The following COQ8B variants were observed in gnomAD, a reference collection of about 807,000 sequenced individuals.
COQ8B encodes the protein atypical kinase COQ8B, mitochondrial.
COQ8B carries 44 observed loss-of-function variants against 62.0 expected under a neutral mutation model. The ratio of observed to expected loss-of-function variants is 0.71; its 90% CI spans 0.56 to 0.91. The LOEUF is 0.91. Among genes scored for constraint, COQ8B ranks in the 40% least tolerant of loss-of-function variants. The pLI is 0.00. For missense variants in COQ8B, 649 were observed against 731.6 expected (o/e 0.89, Z 1.30); for synonymous variants, 252 against 289.9 (o/e 0.87, Z 1.33).
intron 13 of COQ8B, 26 bp downstream of exon 13, chr19:40,695,963 G>A: frequency 6.2e-7 from 1 of 1,612,750 alleles, no homozygotes; most frequent in Non-Finnish European, 8.5e-7. Context: ...GCCTTTCAGA[G>A]GCCCTGGGGT....
rs143308069 is a variant in COQ8B at position 40,692,914 on chromosome 19, CAG to C, written c.1296+35_1296+36del. ...GCAGCCCCCCACTGCACCCCACCAACAGACACCAGCCCCTTTCTCCCCCAGTG... is the reference window on the plus strand; with the variant it reads ...GCAGCCCCCCACTGCACCCCACCAACACACCAGCCCCTTTCTCCCCCAGTG... On this transcript the variant is annotated intron_variant, in intron 14 of 14. Transcript: ENST00000324464. 806 of 1,595,870 alleles carry C rather than the reference CAG, an allele frequency of 5.1e-4. 9 individuals are homozygous for C. In the East Asian group the frequency reaches 0.015, roughly 31 times the overall value.
At chr19:40,711,871 G>T (rs1297510181) in intron 4 of COQ8B, among the ~76,000 whole-genome samples, 1 of 152,128 alleles carries the variant, frequency 6.6e-6, no homozygotes, top group African/African-American at 2.4e-5. Context: ...GGAAATTGAG[G>T]TTCAGAGAAG....
At chr19:40,712,416 A>AG (rs965514988) in intron 4 of COQ8B, among the ~76,000 whole-genome samples, 2 of 151,158 alleles carry the variant, frequency 1.3e-5, no homozygotes, top group African/African-American at 4.9e-5. Flanking sequence ...CCCTAAGAAA[A>AG]AAAAAAAAAA....
intron 5 of COQ8B, among the ~76,000 whole-genome samples, 154 bp from the exon 6 acceptor site, chr19:40,705,601 T>C (rs779875207): frequency 2.0e-5 from 3 of 152,090 alleles, no homozygotes; most frequent in African/African-American, 7.2e-5. Flanking sequence ...ACATCCTTTC[T>C]CTATTAAAAA....
chr19:40,694,775 A>G (rs1342712600), intron 13 of COQ8B, among the ~76,000 whole-genome samples: 1 of 151,948 alleles, frequency 6.6e-6, no homozygotes, highest in African/African-American at 2.4e-5. Context: ...GGCCCCCCTC[A>G]TCCCTCAGGT....
chr19:40,694,236 A>G (rs1251924847), intron 13 of COQ8B, among the ~76,000 whole-genome samples: 2 of 152,106 alleles, frequency 1.3e-5, no homozygotes, highest in South Asian at 4.1e-4. Flanking sequence ...GTCTGCTCCC[A>G]TGGACTGCCA....
At chr19:40,699,728 C>T (rs2082046853) in intron 12 of COQ8B, among the ~76,000 whole-genome samples, 1 of 152,206 alleles carries the variant, frequency 6.6e-6, no homozygotes, top group Non-Finnish European at 1.5e-5. Flanking sequence ...CACTAGCTCT[C>T]ACTGATGGAA....
chr19:40,702,817 ACCCACATCTGTCCCTCTCCTGTCT>A (rs2144697636), intron 9 of COQ8B, 124 bp from the exon 10 acceptor site: 1 of 831,812 alleles, frequency 1.2e-6, no homozygotes, highest in East Asian at 2.7e-5. Context: ...TAGGCCTGTG[ACCCACATCTGTCCCTCTCCTGTCT>A]CCCACGCAGC....
chr19:40,703,866 T>C lies in COQ8B; in HGVS notation c.577-11A>G. 6.2e-7 allele frequency: 1 copy of C among 1,600,818 alleles called. No homozygotes were observed. Among genetic ancestry groups the C allele is most frequent in the Non-Finnish European group, 8.5e-7 (1 of 1,170,646 alleles). ...CTCTTCAAGAACTCTCTGCGGGGAG[T>C]GGTCACAGCCATCATCATTGTGGCA... On this transcript the variant is annotated splice_polypyrimidine_tract_variant and intron_variant, in intron 7 of 14. Transcript: ENST00000324464.
At chr19:40,714,210 C>A (rs2082166392) in intron 3 of COQ8B, 68 bp downstream of exon 3, 2 of 1,607,216 alleles carry the variant, frequency 1.2e-6, no homozygotes, top group Middle Eastern at 1.7e-4. Flanking sequence ...TGCCACCACA[C>A]CCTTCCCCAA....
chr19:40,696,656 C>A (rs1356533600), intron 12 of COQ8B, among the ~76,000 whole-genome samples: 1 of 145,126 alleles, frequency 6.9e-6, no homozygotes, highest in Non-Finnish European at 1.5e-5. Flanking sequence ...CAGAGTGAGA[C>A]TCCGTCTCAA....
Position 40,700,348 on chromosome 19 carries a change from C to A in COQ8B, c.997G>T (p.Asp333Tyr). 1 of 1,614,182 alleles carries A rather than the reference C, an allele frequency of 6.2e-7. No homozygotes were observed. Among genetic ancestry groups the A allele is most frequent in the Non-Finnish European group, 8.5e-7 (1 of 1,180,040 alleles). Residue 333 changes from aspartate to tyrosine, a missense_variant, in exon 11 of 15, where the codon GAC (aspartate) becomes TAC (tyrosine). Transcript: ENST00000324464. Reference protein sequence around the residue: ...GMELAGGVPLDQCQGLSQDLR... With the variant: ...GMELAGGVPLYQCQGLSQDLR... ...TCCTGGCTTAGGCCCTGGCACTGGT[C>A]CAGGGGGACCCCTCCAGCCAGCTCC...
At chr19:40,693,284 G>A (rs569900978) in intron 13 of COQ8B, among the ~76,000 whole-genome samples, 3 of 152,306 alleles carry the variant, frequency 2.0e-5, no homozygotes, top group East Asian at 1.9e-4. Flanking sequence ...GGGCCTGCCC[G>A]GGAACTGCCA....
intron 10 of COQ8B, chr19:40,701,437 G>C (rs2604886): frequency 0.14 from 21,358 of 152,276 alleles, 1,702 homozygotes; most frequent in East Asian, 0.22. Flanking sequence ...GGGAGAACAG[G>C]AGGGTGGTGT....
chr19:40,704,112 G>T, intron 7 of COQ8B: 1 of 444,780 alleles, frequency 2.2e-6, no homozygotes, highest in Non-Finnish European at 4.0e-6. Flanking sequence ...CTGTTGTGGG[G>T]ATTGCTATTA....
At chr19:40,702,105 G>T (rs2082065048) in intron 10 of COQ8B, among the ~76,000 whole-genome samples, 1 of 152,168 alleles carries the variant, frequency 6.6e-6, no homozygotes. Flanking sequence ...TGGCAAAAGG[G>T]TCCCTAGAGT....
At chr19:40,696,841 C>T (rs139178364) in intron 12 of COQ8B, among the ~76,000 whole-genome samples, 59 of 152,240 alleles carry the variant, frequency 3.9e-4, no homozygotes, top group Non-Finnish European at 3.1e-4. Flanking sequence ...TGTAAACAAT[C>T]TAGAGTAATG....
At chr19:40,704,807 T>C in intron 7 of COQ8B, 1 of 321,172 alleles carries the variant, frequency 3.1e-6, no homozygotes, top group Non-Finnish European at 5.8e-6. Context: ...TCAGGGGCCG[T>C]TCTCAGTGCT....
intron 14 of COQ8B, 57 bp downstream of exon 14, chr19:40,692,894 C>T: frequency 6.7e-7 from 1 of 1,501,098 alleles, no homozygotes; most frequent in South Asian, 1.1e-5. Flanking sequence ...GATAAGCAGC[C>T]CCCCACTGCA....
Sources: allele counts gnomAD v4.1 joint callset (sites outside exome capture counted in the v4.1 genomes callset), GRCh38; gene constraint gnomAD v4.1.1; transcripts MANE v1.5; gene names NCBI Gene and HGNC (gene_info 2026-07-23, HGNC 2026-07-21).